Variants in BRINP1 observed in about 807,000 individuals in gnomAD.
The protein encoded by BRINP1 is BMP/retinoic acid-inducible neural-specific protein 1.
A neutral mutation model predicts 72.9 loss-of-function variants in BRINP1; 17 were observed. The ratio of observed to expected loss-of-function variants is 0.23; its 90% CI spans 0.16 to 0.35. The LOEUF is 0.35. Among genes scored for constraint, BRINP1 ranks in the 10% least tolerant of loss-of-function variants. BRINP1 has a pLI of 1.00. For missense variants in BRINP1, 850 were observed against 1,001.6 expected (o/e 0.85, Z 2.04); for synonymous variants, 418 against 378.5 (o/e 1.10, Z -1.21).
chr9:119,317,409 T>C (rs1446049325), intron 1 of BRINP1, among the ~76,000 whole-genome samples: 1 of 152,226 alleles, frequency 6.6e-6, no homozygotes, highest in Non-Finnish European at 1.5e-5. Flanking sequence ...AGGATATGAC[T>C]GAATTGCTGC....
intron 5 of BRINP1, among the ~76,000 whole-genome samples, chr9:119,217,914 T>G (rs1414664312): frequency 2.6e-5 from 4 of 152,048 alleles, no homozygotes; most frequent in South Asian, 4.1e-4. Context: ...CACTTGCGTT[T>G]CCCTGTGCAC....
chr9:119,364,031 T>C (rs911372737), intron 1 of BRINP1, among the ~76,000 whole-genome samples: 1 of 151,070 alleles, frequency 6.6e-6, no homozygotes, highest in Non-Finnish European at 1.5e-5. Context: ...TTTTTTTTTT[T>C]TTTTTTTGGT....
intron 7 of BRINP1, among the ~76,000 whole-genome samples, chr9:119,177,542 G>T (rs1169287192): frequency 6.6e-6 from 1 of 152,122 alleles, no homozygotes; most frequent in Non-Finnish European, 1.5e-5. Flanking sequence ...TGACAGGACA[G>T]TACCCCATTT....
intron 2 of BRINP1, among the ~76,000 whole-genome samples, chr9:119,271,584 A>G (rs1249407111): frequency 6.6e-6 from 1 of 152,088 alleles, no homozygotes; most frequent in Non-Finnish European, 1.5e-5. Context: ...TTCTTAGAAG[A>G]AACATGCCAA....
At chr9:119,233,640 A>G (rs939249738) in intron 5 of BRINP1, among the ~76,000 whole-genome samples, 5 of 152,184 alleles carry the variant, frequency 3.3e-5, no homozygotes, top group Non-Finnish European at 7.3e-5. Context: ...ACCTAAATAG[A>G]TACGTATTGT....
intron 4 of BRINP1, among the ~76,000 whole-genome samples, chr9:119,240,047 G>C (rs761824328): frequency 6.6e-6 from 1 of 151,984 alleles, no homozygotes; most frequent in Non-Finnish European, 1.5e-5. Context: ...GAGGTGGGTG[G>C]ATTACAAGGT....
At chr9:119,209,824 AG>A (rs1317023919) in intron 6 of BRINP1, among the ~76,000 whole-genome samples, 1 of 152,204 alleles carries the variant, frequency 6.6e-6, no homozygotes, top group Non-Finnish European at 1.5e-5. Flanking sequence ...TGTAATCTGC[AG>A]GTTCCACAGA....
chr9:119,330,893 G>A (rs1373348703), intron 1 of BRINP1, among the ~76,000 whole-genome samples: 1 of 152,056 alleles, frequency 6.6e-6, no homozygotes, highest in East Asian at 1.9e-4. Flanking sequence ...CAGGCATGGT[G>A]GTGTGCAACT....
At chr9:119,192,314 C>T (rs1190000131) in intron 7 of BRINP1, among the ~76,000 whole-genome samples, 1 of 151,910 alleles carries the variant, frequency 6.6e-6, no homozygotes, top group Non-Finnish European at 1.5e-5. Context: ...GAAAAGGCAA[C>T]CTACAGACTG....
intron 2 of BRINP1, among the ~76,000 whole-genome samples, chr9:119,272,833 G>A (rs1830622073): frequency 1.3e-5 from 2 of 152,186 alleles, no homozygotes; most frequent in Admixed American, 1.3e-4. Context: ...ATAACTCAGG[G>A]TAGCCTGAAT....
intron 5 of BRINP1, among the ~76,000 whole-genome samples, chr9:119,229,484 C>A (rs1830126700): frequency 6.6e-6 from 1 of 151,972 alleles, no homozygotes; most frequent in East Asian, 1.9e-4. Flanking sequence ...CCGTTTGACT[C>A]CAGGGCCTTT....
rs144358316 is a variant in BRINP1, at chr9:119,184,048, T to A, written c.1146-15824A>T. ...GACTAAATCCCCTGAGCTTACAGAT[T>A]CTATTCCAAACAGGAAGCTACTTCC... On this transcript the variant is annotated intron_variant, in intron 7 of 7. Transcript: ENST00000265922. 7.6e-4 allele frequency among the ~76,000 whole-genome samples: 115 copies of A among 152,092 alleles called. 1 individual carries two copies. Among genetic ancestry groups the A allele is most frequent in the African/African-American group, 2.7e-3 (111 of 41,480 alleles).
chr9:119,306,029 C>T (rs530487258), intron 2 of BRINP1, among the ~76,000 whole-genome samples: 9 of 152,226 alleles, frequency 5.9e-5, no homozygotes, highest in South Asian at 4.1e-4. Context: ...CCTAATCTAC[C>T]GAATCATAAC....
chr9:119,359,884 G>A (rs569059654), intron 1 of BRINP1, among the ~76,000 whole-genome samples: 3 of 152,248 alleles, frequency 2.0e-5, no homozygotes, highest in East Asian at 3.9e-4. Context: ...CTCCAAGAAC[G>A]GCTTTAGGGC....
At chr9:119,341,634 G>A (rs887858788) in intron 1 of BRINP1, among the ~76,000 whole-genome samples, 5 of 152,210 alleles carry the variant, frequency 3.3e-5, no homozygotes, top group African/African-American at 9.7e-5. Flanking sequence ...GCAAAGGTAA[G>A]TGTTCTAAGC....
Position 119,208,921 on chromosome 9 carries a change from T to C in BRINP1, c.943A>G (p.Lys315Glu). ...ENSDEFKSFM[K>E]RLPSNHFLTI... ...AGGAAGTGGTTGCTGGGGAGGCGCTTCATAAATGATTTAAACTCATCTAGT... is the reference window on the plus strand; with the variant it reads ...AGGAAGTGGTTGCTGGGGAGGCGCTCCATAAATGATTTAAACTCATCTAGT... The change falls in exon 7 of 8, where the codon AAG (lysine) becomes GAG (glutamate). Residue 315 changes from lysine (K) to glutamate (E), a missense_variant. Physicochemically the swap from Lys to Glu is moderately conservative, Grantham distance 56. Transcript: ENST00000265922. 6.2e-7 allele frequency: 1 copy of C among 1,614,076 alleles called. No individual in the cohort carries two copies.
intron 7 of BRINP1, among the ~76,000 whole-genome samples, chr9:119,195,876 G>A (rs996319177): frequency 6.6e-6 from 1 of 152,190 alleles, no homozygotes; most frequent in Non-Finnish European, 1.5e-5. Context: ...TTAATCTGGT[G>A]TAAACCACTT....
chr9:119,313,375 T>C lies in BRINP1; in HGVS notation c.-20A>G, dbSNP rs1564245615. ...GTTCATGCTTTTCTGCCGGCCTTTT[T>C]CCTCTCATTCTTGCTCCATTCTGTG... is the stretch of plus-strand genomic sequence containing the variant. On this transcript the variant is annotated 5_prime_UTR_variant, in exon 2 of 8. Coordinates refer to ENST00000265922, the MANE Select transcript of BRINP1 (RefSeq NM_014618.3). 6.2e-7 allele frequency: 1 copy of C among 1,612,700 alleles called. No homozygotes were observed. Among genetic ancestry groups the C allele is most frequent in the Non-Finnish European group, 8.5e-7 (1 of 1,179,782 alleles).
chr9:119,169,053 A>G (rs1829364569), intron 7 of BRINP1, among the ~76,000 whole-genome samples: 1 of 152,224 alleles, frequency 6.6e-6, no homozygotes, highest in Non-Finnish European at 1.5e-5. Context: ...AGCCCTGTCC[A>G]CAATAGCAAA....
Sources: gnomAD v4.1 joint callset for allele counts (sites outside exome capture counted in the v4.1 genomes callset) on GRCh38, gnomAD v4.1.1 for gene constraint, MANE v1.5 for transcripts, NCBI Gene and HGNC (gene_info 2026-07-23, HGNC 2026-07-21) for gene names.